The following DOK5 variants were observed in gnomAD, a reference collection of about 807,000 sequenced individuals.
The protein encoded by DOK5 is downstream of tyrosine kinase 5.
In DOK5, 27 loss-of-function variants were observed where a neutral mutation model predicts 43.3. That is an observed-to-expected ratio of 0.62 (90% CI 0.46 to 0.86). DOK5 has a LOEUF of 0.86. Ranked by LOEUF, DOK5 falls within the 40% of genes least tolerant of loss-of-function variation. DOK5 has a pLI of 0.00. For synonymous variants in DOK5, 146 were observed against 140.1 expected (o/e 1.04, Z -0.30); for missense variants, 373 against 392.9 (o/e 0.95, Z 0.43).
At chr20:54,489,546 T>G (rs1157461730) in intron 1 of DOK5, among the ~76,000 whole-genome samples, 1 of 152,198 alleles carries the variant, frequency 6.6e-6, no homozygotes, top group African/African-American at 2.4e-5. Flanking sequence ...TATGGATATA[T>G]CTTATATATT....
Position 54,588,566 on chromosome 20 carries a change from C to T in DOK5, c.258C>T (p.Asp86=), listed in dbSNP as rs532527993. 15 of 1,614,164 alleles carry T rather than the reference C, an allele frequency of 9.3e-6. No homozygotes were observed. The highest frequency in any genetic ancestry group is 6.6e-5 in the South Asian group (6 of 91,084). Residue 86 remains aspartate, a synonymous_variant, in exon 3 of 8, where the codon GAC becomes GAT. Transcript: ENST00000262593. ...ATGCCATAGGGATTTATTTCAATGA[C>T]GATACCTCCAAGACTTTTGCTTGCG... ...KKHAIGIYFN[D]DTSKTFACES...
chr20:54,649,033 C>G (rs1040386241), intron 7 of DOK5, among the ~76,000 whole-genome samples: 2 of 152,178 alleles, frequency 1.3e-5, no homozygotes, highest in Non-Finnish European at 2.9e-5. Flanking sequence ...TATCATAGAT[C>G]GGACCTAAGA....
At chr20:54,596,731 C>T (rs1986153563) in intron 5 of DOK5, among the ~76,000 whole-genome samples, 1 of 152,150 alleles carries the variant, frequency 6.6e-6, no homozygotes. Flanking sequence ...ATGTAGTAGG[C>T]AGTTGTATCC....
chr20:54,535,264 C>A (rs1378363344), intron 1 of DOK5, among the ~76,000 whole-genome samples: 3 of 151,958 alleles, frequency 2.0e-5, no homozygotes, highest in Non-Finnish European at 2.9e-5. Context: ...CCCCTTCTGC[C>A]CTTTTCTGGC....
chr20:54,485,036 A>G lies in DOK5; in HGVS notation c.66+9024A>G, dbSNP rs116244396. On this transcript the variant is annotated intron_variant, in intron 1 of 7. Transcript: ENST00000262593. ...AGACTCTGTCTCAGAATTTTTTAAA[A>G]AGAATATTATGTAGGCTGGGCATGA... Among the ~76,000 whole-genome samples the G allele has an allele frequency of 1.6e-3, 244 of 152,268 alleles. 1 individual carries two copies. The highest frequency in any genetic ancestry group is 5.4e-3 in the African/African-American group (224 of 41,550).
At chr20:54,556,713 A>G (rs1272574778) in intron 2 of DOK5, among the ~76,000 whole-genome samples, 1 of 152,214 alleles carries the variant, frequency 6.6e-6, no homozygotes, top group East Asian at 1.9e-4. Context: ...CAGAAAGTAT[A>G]GTTACACATC....
At chr20:54,484,067 C>T (rs113032681) in intron 1 of DOK5, among the ~76,000 whole-genome samples, 6 of 152,250 alleles carry the variant, frequency 3.9e-5, no homozygotes, top group African/African-American at 1.2e-4. Flanking sequence ...CCACTTTCCA[C>T]CTGCTATGCC....
At chr20:54,498,025 T>C (rs1381732227) in intron 1 of DOK5, among the ~76,000 whole-genome samples, 2 of 152,204 alleles carry the variant, frequency 1.3e-5, no homozygotes, top group African/African-American at 4.8e-5. Context: ...TACTCAGATA[T>C]TGTATTGTGT....
intron 2 of DOK5, among the ~76,000 whole-genome samples, chr20:54,568,981 C>G (rs951818687): frequency 1.7e-5 from 1 of 57,218 alleles, no homozygotes; most frequent in Non-Finnish European, 3.4e-5. Context: ...TGGACTAAAA[C>G]GCAAAAAAAA....
chr20:54,604,147 C>T (rs563420784), intron 5 of DOK5, among the ~76,000 whole-genome samples: 293 of 151,840 alleles, frequency 1.9e-3, no homozygotes, highest in Non-Finnish European at 3.6e-3. Context: ...GGGGTTTCAC[C>T]GTGTTAGCCA....
chr20:54,528,144 T>C (rs887286102), intron 1 of DOK5, among the ~76,000 whole-genome samples: 1 of 151,834 alleles, frequency 6.6e-6, no homozygotes, highest in Non-Finnish European at 1.5e-5. Flanking sequence ...TGGGGCGAGG[T>C]TGCAGTGAGC....
chr20:54,604,401 G>C lies in DOK5; in HGVS notation c.600-5987G>C, dbSNP rs561676635. On this transcript the variant is annotated intron_variant, in intron 5 of 7. Transcript: ENST00000262593. ...GATTCCAGATTTTCATTTTCCCAAC[G>C]CTGACACCCACCCCTCTTCTCAACT... Among the ~76,000 whole-genome samples, 10 of 151,084 alleles carry C rather than the reference G, an allele frequency of 6.6e-5. No homozygotes were observed. The South Asian group carries it at 2.1e-3, about 32-fold the overall frequency.
chr20:54,593,065 C>T (rs1486150782), intron 5 of DOK5, among the ~76,000 whole-genome samples: 2 of 152,038 alleles, frequency 1.3e-5, no homozygotes, highest in Non-Finnish European at 2.9e-5. Context: ...CAGTAGTGGT[C>T]CCCTCTAACT....
At chr20:54,568,674 TA>T (rs1244236910) in intron 2 of DOK5, among the ~76,000 whole-genome samples, 1 of 152,194 alleles carries the variant, frequency 6.6e-6, no homozygotes, top group African/African-American at 2.4e-5. Context: ...CTCACGCCTG[TA>T]ATCCCAGCAC....
chr20:54,584,794 C>A (rs547481360), intron 2 of DOK5, among the ~76,000 whole-genome samples: 125 of 151,032 alleles, frequency 8.3e-4, no homozygotes, highest in Non-Finnish European at 1.6e-3. Context: ...CACACACACA[C>A]ACACCTTTTC....
At chr20:54,497,186 A>T (rs187455816) in intron 1 of DOK5, among the ~76,000 whole-genome samples, 25 of 152,346 alleles carry the variant, frequency 1.6e-4, no homozygotes, top group African/African-American at 5.8e-4. Flanking sequence ...TGAAAAGCAG[A>T]TTCTGAAGTT....
At chr20:54,538,502 G>A (rs1984032968) in intron 1 of DOK5, among the ~76,000 whole-genome samples, 1 of 152,198 alleles carries the variant, frequency 6.6e-6, no homozygotes, top group South Asian at 2.1e-4. Context: ...AACAATACAA[G>A]AAGGAACCTT....
At chr20:54,643,926 C>T (rs1979249521) in intron 7 of DOK5, among the ~76,000 whole-genome samples, 1 of 152,158 alleles carries the variant, frequency 6.6e-6, no homozygotes, top group Non-Finnish European at 1.5e-5. Flanking sequence ...GGCCAGGGAC[C>T]AGGCTACAAG....
intron 1 of DOK5, among the ~76,000 whole-genome samples, chr20:54,502,391 T>C (rs915002531): frequency 2.0e-5 from 3 of 152,218 alleles, no homozygotes; most frequent in African/African-American, 7.2e-5. Flanking sequence ...TGCTCTGCTA[T>C]GCACTCATTT....
Sources: gnomAD v4.1 joint callset for allele counts (sites outside exome capture counted in the v4.1 genomes callset) on GRCh38, gnomAD v4.1.1 for gene constraint, MANE v1.5 for transcripts, NCBI Gene and HGNC (gene_info 2026-07-23, HGNC 2026-07-21) for gene names.